The following GPC5 variants were observed in gnomAD, a reference collection of about 807,000 sequenced individuals.
GPC5 encodes the protein glypican 5.
GPC5 carries 47 observed loss-of-function variants against 53.9 expected under a neutral mutation model. That is an observed-to-expected ratio of 0.87 (90% CI 0.69 to 1.11). The LOEUF (loss-of-function observed/expected upper bound fraction) is 1.11. Among genes scored for constraint, GPC5 ranks in the 50% most tolerant of loss-of-function variants. The pLI is 0.00. For missense variants in GPC5, 748 were observed against 713.1 expected, an observed-to-expected ratio of 1.05 and a Z score of -0.56; for synonymous variants, 286 against 263.3, an observed-to-expected ratio of 1.09 and a Z score of -0.84.
At chr13:91,974,607 A>G (rs1407829590) in intron 6 of GPC5, among the ~76,000 whole-genome samples, 1 of 152,162 alleles carries the variant, frequency 6.6e-6, no homozygotes, top group Non-Finnish European at 1.5e-5. Flanking sequence ...CCACTGCTCA[A>G]TGAAATAAAA....
At position 92,089,696 on chromosome 13, in the gene GPC5, AC is replaced by A. The variant is rs2041364114; in HGVS notation, c.1402-55132del. Among the ~76,000 whole-genome samples, 3 of 152,246 alleles carry A rather than the reference AC, an allele frequency of 2.0e-5. No homozygotes were observed. The South Asian group carries it at 6.2e-4, about 32-fold the overall frequency. On this transcript the variant is annotated intron_variant, in intron 6 of 7. Coordinates refer to ENST00000377067, the MANE Select transcript of GPC5 (RefSeq NM_004466.6). ...GTTCAATTTAATCATTTTTTCAGGA[AC>A]CTAAATATTATTTATTAATTATTAC...
intron 6 of GPC5, among the ~76,000 whole-genome samples, chr13:92,021,417 T>C (rs1213162049): frequency 6.6e-6 from 1 of 152,158 alleles, no homozygotes; most frequent in African/African-American, 2.4e-5. Context: ...ATGAGATATC[T>C]AAGTAGTCAA....
intron 7 of GPC5, among the ~76,000 whole-genome samples, chr13:92,661,059 G>T (rs1359173145): frequency 6.6e-6 from 1 of 152,010 alleles, no homozygotes; most frequent in Non-Finnish European, 1.5e-5. Context: ...ACAGCACTTT[G>T]GGAGGCCAAG....
chr13:92,504,171 G>T (rs1880283947), intron 7 of GPC5, among the ~76,000 whole-genome samples: 1 of 151,870 alleles, frequency 6.6e-6, no homozygotes, highest in Admixed American at 6.6e-5. Flanking sequence ...TATCGTAGCA[G>T]GATTATAGGA....
At chr13:92,285,614 A>G (rs980051661) in intron 7 of GPC5, among the ~76,000 whole-genome samples, 3 of 152,234 alleles carry the variant, frequency 2.0e-5, no homozygotes, top group Non-Finnish European at 4.4e-5. Context: ...GATCTTTGTC[A>G]AACCTGACAA....
intron 7 of GPC5, among the ~76,000 whole-genome samples, chr13:92,424,208 T>A (rs910630978): frequency 6.6e-6 from 1 of 152,104 alleles, no homozygotes; most frequent in Non-Finnish European, 1.5e-5. Flanking sequence ...GAATGCAATA[T>A]AAGAACTACA....
intron 6 of GPC5, among the ~76,000 whole-genome samples, chr13:91,932,165 G>A (rs149144820): frequency 6.6e-6 from 1 of 152,108 alleles, no homozygotes; most frequent in East Asian, 1.9e-4. Context: ...ATCCAATGTT[G>A]TATTTTCAGA....
chr13:92,388,341 T>A (rs183986823), intron 7 of GPC5, among the ~76,000 whole-genome samples: 1 of 152,218 alleles, frequency 6.6e-6, no homozygotes, highest in African/African-American at 2.4e-5. Context: ...AAGCTTAGTA[T>A]TACCTTACTG....
intron 6 of GPC5, among the ~76,000 whole-genome samples, chr13:91,963,108 C>T (rs139617662): frequency 1.3e-5 from 2 of 152,164 alleles, no homozygotes; most frequent in East Asian, 3.9e-4. Flanking sequence ...ATTTCTGTAC[C>T]TCTGACTTCT....
At chr13:92,850,530 T>C (rs1594549062) in intron 7 of GPC5, among the ~76,000 whole-genome samples, 1 of 151,550 alleles carries the variant, frequency 6.6e-6, no homozygotes. Flanking sequence ...ACCCAGGAGG[T>C]GGAGGCTGTA....
rs546347382 is a variant in GPC5 at position 92,126,010 on chromosome 13, A to G, written c.1402-18820A>G. Among the ~76,000 whole-genome samples, 23 of 118,222 alleles carry G rather than the reference A, an allele frequency of 1.9e-4. No individual in the cohort carries two copies. In the South Asian group the frequency reaches 5.9e-3, roughly 30 times the overall value. 77.6% of individuals were successfully genotyped at this position (118,222 alleles called of 152,430 possible). A position where few individuals can be genotyped will look rare whatever the true frequency, so the allele number is the denominator to read the frequency against. On this transcript the variant is annotated intron_variant, in intron 6 of 7. Transcript: ENST00000377067. The stretch of plus-strand genomic sequence containing the variant: ...CACTTTGTTGCCCCGGCTGGAGTGC[A>G]GTGGCACAATCTTAGCTCACTGCAA...
intron 6 of GPC5, among the ~76,000 whole-genome samples, chr13:92,002,231 T>A (rs2040562193): frequency 6.6e-6 from 1 of 152,222 alleles, no homozygotes; most frequent in African/African-American, 2.4e-5. Flanking sequence ...AAAAGAATGC[T>A]TCTATACAGG....
intron 7 of GPC5, among the ~76,000 whole-genome samples, chr13:92,628,484 G>C (rs1644006332): frequency 6.6e-6 from 1 of 151,650 alleles, no homozygotes; most frequent in Admixed American, 6.6e-5. Flanking sequence ...CAGTGTTGAG[G>C]ATTCTGACTC....
At chr13:92,081,172 G>A (rs1380539420) in intron 6 of GPC5, among the ~76,000 whole-genome samples, 4 of 152,036 alleles carry the variant, frequency 2.6e-5, no homozygotes, top group Non-Finnish European at 5.9e-5. Context: ...GGAGTGGCAC[G>A]ATCACTGCAA....
At chr13:92,478,892 A>G (rs563578342) in intron 7 of GPC5, among the ~76,000 whole-genome samples, 2 of 152,306 alleles carry the variant, frequency 1.3e-5, no homozygotes, top group Non-Finnish European at 1.5e-5. Context: ...TTTTTGTCCT[A>G]CGAAAGAGTA....
chr13:92,377,277 A>C (rs890469425), intron 7 of GPC5, among the ~76,000 whole-genome samples: 6 of 152,170 alleles, frequency 3.9e-5, no homozygotes, highest in Non-Finnish European at 8.8e-5. Flanking sequence ...GGACAGCACA[A>C]GATTAGTACA....
At chr13:92,150,107 T>C (rs2041896442) in intron 7 of GPC5, among the ~76,000 whole-genome samples, 1 of 151,922 alleles carries the variant, frequency 6.6e-6, no homozygotes, top group Non-Finnish European at 1.5e-5. Flanking sequence ...AAAATAACTA[T>C]TTTTTCAATA....
intron 2 of GPC5, among the ~76,000 whole-genome samples, chr13:91,549,763 A>T (rs1030862381): frequency 1.3e-5 from 2 of 152,140 alleles, no homozygotes; most frequent in African/African-American, 4.8e-5. Flanking sequence ...ACCCACACTA[A>T]ATGCTGGTGA....
intron 2 of GPC5, among the ~76,000 whole-genome samples, chr13:91,483,349 G>A (rs1883408763): frequency 6.6e-6 from 1 of 152,098 alleles, no homozygotes; most frequent in South Asian, 2.1e-4. Context: ...GAATTGTTTT[G>A]TCTTACAACA....
Sources: allele counts gnomAD v4.1 joint callset (sites outside exome capture counted in the v4.1 genomes callset), GRCh38; gene constraint gnomAD v4.1.1; transcripts MANE v1.5; gene names NCBI Gene and HGNC (gene_info 2026-07-23, HGNC 2026-07-21).